The following TUT7 variants were observed in gnomAD, a reference collection of about 807,000 sequenced individuals.
TUT7 encodes the protein terminal uridylyltransferase 7.
In TUT7, 33 loss-of-function variants were observed where a neutral mutation model predicts 165.9. The ratio of observed to expected loss-of-function variants is 0.20; its 90% CI spans 0.15 to 0.27. The LOEUF is 0.27. Among genes scored for constraint, TUT7 ranks in the 10% least tolerant of loss-of-function variants. TUT7 has a pLI of 1.00. For missense variants in TUT7, 1,338 were observed against 1,762.3 expected, an observed-to-expected ratio of 0.76 and a Z score of 4.31; for synonymous variants, 552 against 608.1, an observed-to-expected ratio of 0.91 and a Z score of 1.36.
Position 86,311,634 on chromosome 9 carries a change from G to GGTCTCCCTCTGATGCCA in TUT7, c.3275-826_3275-825insTGGCATCAGAGGGAGAC, listed in dbSNP as rs1364755091. Among the ~76,000 whole-genome samples the GGTCTCCCTCTGATGCCA allele has an allele frequency of 4.3e-4, 65 of 151,010 alleles. No individual in the cohort carries two copies. The highest frequency in any genetic ancestry group is 2.6e-4 in the Admixed American group (4 of 15,166). On this transcript the variant is annotated intron_variant, in intron 17 of 26. Coordinates refer to ENST00000375963, the MANE Select transcript of TUT7 (RefSeq NM_024617.4). This position sits in a 1 kb window ranked among gnomAD's most constrained non-coding sequence, Gnocchi z 4.4. Reference sequence around the variant, plus strand: ...GGTCTCCCTCTCCCTCTCTTTCCACGGTCTCCCTCTGATGCCGGTCTCCCT... The same window carrying GGTCTCCCTCTGATGCCA: ...GGTCTCCCTCTCCCTCTCTTTCCACGGTCTCCCTCTGATGCCAGTCTCCCTCTGATGCCGGTCTCCCT...
chr9:86,350,939 C>A (rs1476028509), intron 2 of TUT7, among the ~76,000 whole-genome samples: 2 of 151,426 alleles, frequency 1.3e-5, no homozygotes, highest in East Asian at 3.9e-4. Flanking sequence ...TCAAGACCAG[C>A]CTGGCCAACA....
At chr9:86,318,934 G>A (rs988619662) in intron 16 of TUT7, 24 bp downstream of exon 16, 2 of 1,570,826 alleles carry the variant, frequency 1.3e-6, no homozygotes, top group African/African-American at 2.7e-5. Context: ...CACAGCAAAT[G>A]GAAGTTTTAT....
chr9:86,319,995 G>A (rs1829093848), intron 14 of TUT7, among the ~76,000 whole-genome samples: 1 of 152,050 alleles, frequency 6.6e-6, no homozygotes, highest in African/African-American at 2.4e-5. Flanking sequence ...ACCATGCCTG[G>A]CTAATTTTTG....
chr9:86,325,295 A>G lies in TUT7; in HGVS notation c.1789+39T>C, dbSNP rs763424020. 6.3e-6 allele frequency: 10 copies of G among 1,594,652 alleles called. No homozygotes were observed. In the Admixed American group the frequency reaches 1.5e-4, roughly 24 times the overall value. ...TGCTGTTAGACTGGTACCTTTAAAA[A>G]AAAGAGTGGGGGGGAATAAGATAAA... On this transcript the variant is annotated intron_variant, in intron 12 of 26. Transcript: ENST00000375963.
intron 26 of TUT7, among the ~76,000 whole-genome samples, chr9:86,296,310 A>G (rs1826313530): frequency 2.0e-5 from 3 of 152,194 alleles, no homozygotes; most frequent in Non-Finnish European, 2.9e-5. Context: ...CTGGATTTCA[A>G]ACTCAAGTGT....
intron 17 of TUT7, among the ~76,000 whole-genome samples, chr9:86,316,757 T>C (rs1451251409): frequency 2.0e-5 from 3 of 152,196 alleles, no homozygotes; most frequent in Non-Finnish European, 2.9e-5. Flanking sequence ...AATTATTCTA[T>C]GAATGAGCCA....
In TUT7 at chr9:86,325,480, G is replaced by A. The variant is rs1829705337; in HGVS notation, c.1643C>T (p.Ser548Leu). 2 of 1,613,890 alleles carry A rather than the reference G, an allele frequency of 1.2e-6. No homozygotes were observed. The highest frequency in any genetic ancestry group is 2.2e-5 in the East Asian group (1 of 44,880). ...CACCCAGAGCTGCCCAACTGGTACT[G>A]AAGGCTGGTGTTTCACATCCAATAT... ...SLILDVKHQP[S>L]VPVGQLWVEL... Residue 548 changes from serine to leucine, a missense_variant, in exon 12 of 27, where the codon TCA becomes TTA. Physicochemically the swap from Ser to Leu is moderately radical, Grantham distance 145. This residue lies in a region of TUT7 where 53 missense variants were observed against 46.3 expected (regional missense o/e 1.15). Transcript: ENST00000375963.
rs187557215 is a variant in TUT7 at position 86,291,165 on chromosome 9, T to C, written c.4421-2421A>G. On this transcript the variant is annotated intron_variant, in intron 26 of 26. Coordinates refer to ENST00000375963, the MANE Select transcript of TUT7 (RefSeq NM_024617.4). ...TGCAGGTAGACACTTGAAATTTATA[T>C]AATAATAAAAGAGCGGTATTCAGAA... Among the ~76,000 whole-genome samples, 256 of 152,228 alleles carry C rather than the reference T, an allele frequency of 1.7e-3. 4 individuals carry two copies. The highest frequency in any genetic ancestry group is 0.015 in the Admixed American group (222 of 15,280).
intron 18 of TUT7, among the ~76,000 whole-genome samples, chr9:86,310,287 A>C (rs1827919351): frequency 6.6e-6 from 1 of 152,192 alleles, no homozygotes; most frequent in African/African-American, 2.4e-5. Context: ...GGAAGAAGAC[A>C]TTTCAACTGA....
intron 17 of TUT7, among the ~76,000 whole-genome samples, chr9:86,316,237 C>T (rs1828709864): frequency 6.6e-6 from 1 of 152,156 alleles, no homozygotes; most frequent in Admixed American, 6.5e-5. Context: ...GCATGGTTTA[C>T]AAAATCTATA....
At chr9:86,331,513 G>A (rs1388845020) in intron 10 of TUT7, among the ~76,000 whole-genome samples, 2 of 152,068 alleles carry the variant, frequency 1.3e-5, no homozygotes, top group African/African-American at 4.8e-5. Context: ...GTATTTTGGT[G>A]CCCTCTTAAT....
chr9:86,322,899 T>G lies in TUT7; in HGVS notation c.2851A>C (p.Ser951Arg). 6.2e-7 allele frequency: 1 copy of G among 1,605,968 alleles called. No individual in the cohort carries two copies. The highest frequency in any genetic ancestry group is 8.5e-7 in the Non-Finnish European group (1 of 1,176,864). ...VDQSDFFYEF[S>R]KLIFTKGKSP... ...TTGCCTTTGGTGAAGATAAGTTTAC[T>G]GAATTCATAAAAAAAATCAGACTGA... Residue 951 changes from serine to arginine, a missense_variant, in exon 13 of 27, where the codon AGT becomes CGT. Around this residue, in one of 7 missense-constraint regions of TUT7, gnomAD observed 425 missense variants for 474.9 expected, o/e 0.89. Coordinates refer to ENST00000375963, the MANE Select transcript of TUT7 (RefSeq NM_024617.4).
chr9:86,322,797 A>G, intron 13 of TUT7, 76 bp downstream of exon 13: 1 of 1,456,350 alleles, frequency 6.9e-7, no homozygotes, highest in Non-Finnish European at 9.2e-7. Flanking sequence ...AATTCCTAGT[A>G]TATAAAAATT....
chr9:86,298,185 T>A (rs1437158573), intron 26 of TUT7, among the ~76,000 whole-genome samples: 1 of 152,202 alleles, frequency 6.6e-6, no homozygotes, highest in African/African-American at 2.4e-5. Flanking sequence ...TGCCACCACA[T>A]GACATATTAT....
chr9:86,337,581 A>C lies in TUT7; in HGVS notation c.1336-43T>G, dbSNP rs368032620. ...GAAAGTTAAGCATTCTTTTTGTATG[A>C]ATTTGTCATTTACACGATTTGGCCT... On this transcript the variant is annotated intron_variant, in intron 9 of 26. Coordinates refer to ENST00000375963, the MANE Select transcript of TUT7 (RefSeq NM_024617.4). 29 of 1,574,054 alleles carry C rather than the reference A, an allele frequency of 1.8e-5. No homozygotes were observed. The African/African-American group carries it at 3.8e-4, about 21-fold the overall frequency.
At chr9:86,294,016 G>A (rs576387399) in intron 26 of TUT7, among the ~76,000 whole-genome samples, 1 of 152,302 alleles carries the variant, frequency 6.6e-6, no homozygotes, top group East Asian at 1.9e-4. Flanking sequence ...AAAGTACTAG[G>A]ATTATAGGCG....
rs1340756647 is a variant in TUT7, at chr9:86,287,953, A to G, written c.*724T>C. 2 of 152,194 alleles carry G rather than the reference A, an allele frequency of 1.3e-5. No homozygotes were observed. Among genetic ancestry groups the G allele is most frequent in the African/African-American group, 2.4e-5 (1 of 41,436 alleles). 9.4% of individuals were successfully genotyped at this position (152,194 alleles called of 1,614,324 possible). A position where few individuals can be genotyped will look rare whatever the true frequency, so the allele number is the denominator to read the frequency against. ...TTCATCCTAATTTCTGAGTATCATA[A>G]AAAGTAAAAAGTACTTTCATTTTAT... On this transcript the variant is annotated 3_prime_UTR_variant, in exon 27 of 27. Coordinates refer to ENST00000375963, the MANE Select transcript of TUT7 (RefSeq NM_024617.4).
chr9:86,333,535 A>G (rs750718437), intron 10 of TUT7, among the ~76,000 whole-genome samples: 3 of 152,180 alleles, frequency 2.0e-5, no homozygotes, highest in Non-Finnish European at 4.4e-5. Flanking sequence ...CATTTCTGTT[A>G]TAATTTTTTG....
intron 14 of TUT7, 65 bp from the exon 15 acceptor site, chr9:86,319,735 A>C: frequency 1.8e-6 from 2 of 1,099,616 alleles, no homozygotes; most frequent in Non-Finnish European, 2.6e-6. Context: ...AAAAGCTGAA[A>C]AAAATTTATT....
Sources: allele counts gnomAD v4.1 joint callset (sites outside exome capture counted in the v4.1 genomes callset), GRCh38; gene constraint gnomAD v4.1.1; regional missense constraint gnomAD v4.1.1; non-coding constraint Gnocchi (gnomAD v3.1); transcripts MANE v1.5; gene names NCBI Gene and HGNC (gene_info 2026-07-23, HGNC 2026-07-21).